KCNJ6: variants seen among roughly 807,000 people sequenced by gnomAD.
KCNJ6 encodes the protein potassium inwardly rectifying channel subfamily J member 6.
A neutral mutation model predicts 34.2 loss-of-function variants in KCNJ6; 9 were observed. That is an observed-to-expected ratio of 0.26 (90% confidence interval 0.16 to 0.46). The LOEUF (loss-of-function observed/expected upper bound fraction) is 0.46, where lower values mean the gene tolerates loss of function less well. Among genes scored for constraint, KCNJ6 ranks in the 20% least tolerant of loss-of-function variants. The pLI, the probability that KCNJ6 is intolerant of heterozygous loss-of-function variation, is 1.00. For missense variants in KCNJ6, 236 were observed against 531.3 expected (o/e 0.44, Z 5.46); for synonymous variants, 196 against 207.1 (o/e 0.95, Z 0.46).
At chr21:37,727,719 C>T (rs2054862451) in intron 2 of KCNJ6, among the ~76,000 whole-genome samples, 1 of 152,020 alleles carries the variant, frequency 6.6e-6, no homozygotes, top group Non-Finnish European at 1.5e-5. Context: ...TGAACTTCAT[C>T]CCAGAGTGGT....
intron 1 of KCNJ6, among the ~76,000 whole-genome samples, chr21:37,864,601 T>C (rs2055612696): frequency 6.6e-6 from 1 of 152,170 alleles, no homozygotes; most frequent in African/African-American, 2.4e-5. Context: ...TACAAAGCTT[T>C]GAAGATGTGC....
intron 2 of KCNJ6, among the ~76,000 whole-genome samples, chr21:37,726,598 ATG>A (rs979851806): frequency 2.0e-5 from 3 of 152,078 alleles, no homozygotes; most frequent in African/African-American, 7.2e-5. Context: ...ATGTTTGTGA[ATG>A]TGTGTGTATG....
chr21:37,667,551 G>T (rs1438104493), intron 3 of KCNJ6, among the ~76,000 whole-genome samples: 1 of 149,968 alleles, frequency 6.7e-6, no homozygotes, highest in African/African-American at 2.5e-5. Context: ...GGTAGCGGGC[G>T]CCGGGGTAGC....
At position 37,625,404 on chromosome 21, in the gene KCNJ6, CCAGGGT is replaced by C; in HGVS notation, c.1021_1026del (p.Thr341_Leu342del). 6.2e-7 allele frequency: 1 copy of C among 1,614,078 alleles called. No individual in the cohort carries two copies. Among genetic ancestry groups the C allele is most frequent in the Non-Finnish European group, 8.5e-7 (1 of 1,179,918 alleles). Reference sequence around the variant, plus strand: ...TAGTCAACTTCGTAGAACCCGTCCTCCAGGGTCAGGACAGGTGTGAACCGGTAACCC... The same window carrying C: ...TAGTCAACTTCGTAGAACCCGTCCTCCAGGACAGGTGTGAACCGGTAACCC... On this transcript the variant is annotated inframe_deletion, in exon 4 of 4. Coordinates refer to ENST00000609713, the MANE Select transcript of KCNJ6 (RefSeq NM_002240.5).
At chr21:37,889,314 G>GCC (rs1257680771) in intron 1 of KCNJ6, among the ~76,000 whole-genome samples, 1 of 152,246 alleles carries the variant, frequency 6.6e-6, no homozygotes, top group African/African-American at 2.4e-5. Context: ...AGGCAGAAGA[G>GCC]CCTATCATTT....
chr21:37,914,949 T>G (rs2055886311), intron 1 of KCNJ6, among the ~76,000 whole-genome samples: 1 of 149,702 alleles, frequency 6.7e-6, no homozygotes, highest in Non-Finnish European at 1.5e-5. Flanking sequence ...TTTTTGGGGG[T>G]TGGAGGCGGA....
chr21:37,815,734 C>G (rs567795605), intron 2 of KCNJ6, among the ~76,000 whole-genome samples: 8 of 152,218 alleles, frequency 5.3e-5, no homozygotes, highest in Non-Finnish European at 7.3e-5. Flanking sequence ...AAGGCTCAGA[C>G]TCGAAGGAGC....
intron 1 of KCNJ6, among the ~76,000 whole-genome samples, chr21:37,858,107 A>G (rs2055574093): frequency 1.3e-5 from 2 of 152,108 alleles, no homozygotes; most frequent in African/African-American, 2.4e-5. Context: ...GAAAATTCAG[A>G]TTGGCCAGGT....
intron 2 of KCNJ6, among the ~76,000 whole-genome samples, chr21:37,823,610 CTT>C (rs1601488728): frequency 1.3e-5 from 2 of 152,220 alleles, no homozygotes; most frequent in African/African-American, 2.4e-5. Context: ...CACTCTCACT[CTT>C]TCTCTCCTGC....
At chr21:37,910,486 C>T (rs1166584105) in intron 1 of KCNJ6, among the ~76,000 whole-genome samples, 1 of 152,238 alleles carries the variant, frequency 6.6e-6, no homozygotes, top group Non-Finnish European at 1.5e-5. Context: ...ATGTCTCTCA[C>T]ATTGCATATA....
chr21:37,734,533 G>A (rs2054903101), intron 2 of KCNJ6, among the ~76,000 whole-genome samples: 2 of 152,106 alleles, frequency 1.3e-5, no homozygotes, highest in Admixed American at 6.5e-5. Context: ...TGGTGTACAA[G>A]CTCCCACCAT....
chr21:37,881,230 G>C (rs142719164), intron 1 of KCNJ6, among the ~76,000 whole-genome samples: 9 of 152,352 alleles, frequency 5.9e-5, no homozygotes, highest in African/African-American at 1.7e-4. Flanking sequence ...GGATTCTGAT[G>C]TGGAGAAAGT....
chr21:37,714,076 ATG>A lies in KCNJ6; in HGVS notation c.946+133_946+134del, dbSNP rs2054777091. 8.5e-6 allele frequency: 6 copies of A among 702,100 alleles called. No homozygotes were observed. The highest frequency in any genetic ancestry group is 1.2e-5 in the Non-Finnish European group (5 of 405,868). The allele number at this position is 702,100 out of a possible 1,614,324, so 43.5% of individuals were successfully genotyped here. A position where few individuals can be genotyped will look rare whatever the true frequency, so the allele number is the denominator to read the frequency against. On this transcript the variant is annotated intron_variant, in intron 3 of 3. Transcript: ENST00000609713. The surrounding 1 kb of genome is among the most constrained non-coding windows in gnomAD (Gnocchi z 5.9). ...TTCAGGTGAGACATGTAGGCATACT[ATG>A]TCATGAAGCAAGGGGATGTTGTCAA... is the stretch of plus-strand genomic sequence containing the variant.
At position 37,742,545 on chromosome 21, in the gene KCNJ6, G is replaced by A. The variant is rs946810059; in HGVS notation, c.26-27414C>T. Among the ~76,000 whole-genome samples the A allele has an allele frequency of 1.2e-4, 18 of 152,220 alleles. No individual in the cohort carries two copies. The Middle Eastern group carries it at 0.01, about 87-fold the overall frequency. ...AAACACCTTGTATCCTGCCAGCAGA[G>A]GTAACCATTGTTGACATTTCCAGGA... On this transcript the variant is annotated intron_variant, in intron 2 of 3. Transcript: ENST00000609713.
At chr21:37,841,255 T>C (rs773805530) in intron 1 of KCNJ6, among the ~76,000 whole-genome samples, 28 of 152,242 alleles carry the variant, frequency 1.8e-4, no homozygotes, top group Non-Finnish European at 4.0e-4. Context: ...AACCGAGATA[T>C]AGGTTATAAC....
intron 3 of KCNJ6, among the ~76,000 whole-genome samples, chr21:37,703,236 A>G (rs575176478): frequency 6.6e-6 from 1 of 152,286 alleles, no homozygotes; most frequent in African/African-American, 2.4e-5. Context: ...GTAGTCCAAA[A>G]GTCTTTGAGT....
At chr21:37,682,664 G>A (rs1569444548) in intron 3 of KCNJ6, among the ~76,000 whole-genome samples, 1 of 152,130 alleles carries the variant, frequency 6.6e-6, no homozygotes, top group Non-Finnish European at 1.5e-5. Context: ...GAAAAAGACC[G>A]TTTTTCCTAT....
At chr21:37,744,957 G>A (rs1413181816) in intron 2 of KCNJ6, among the ~76,000 whole-genome samples, 1 of 152,164 alleles carries the variant, frequency 6.6e-6, no homozygotes, top group African/African-American at 2.4e-5. Flanking sequence ...ATGGAATGGA[G>A]GTTGTCAGTC....
intron 3 of KCNJ6, among the ~76,000 whole-genome samples, chr21:37,656,662 T>G (rs2054465652): frequency 6.6e-6 from 1 of 152,210 alleles, no homozygotes; most frequent in South Asian, 2.1e-4. Flanking sequence ...CTTTGTCCTT[T>G]CCCCGGCCTG....
Sources: allele counts gnomAD v4.1 joint callset (sites outside exome capture counted in the v4.1 genomes callset), GRCh38; gene constraint gnomAD v4.1.1; non-coding constraint Gnocchi (gnomAD v3.1); transcripts MANE v1.5; gene names NCBI Gene and HGNC (gene_info 2026-07-23, HGNC 2026-07-21).